TMCO5A: variants seen among roughly 807,000 people sequenced by gnomAD.
The protein encoded by TMCO5A is transmembrane and coiled-coil domains 5A, also known as transmembrane and coiled-coil domain-containing protein 5A.
TMCO5A carries 34 observed loss-of-function variants against 42.3 expected under a neutral mutation model. The observed-to-expected ratio is 0.80, with a 90% confidence interval of 0.61 to 1.07. The LOEUF is 1.07. Among genes scored for constraint, TMCO5A ranks in the 50% least tolerant of loss-of-function variants. The probability of loss-of-function intolerance (pLI) is 0.00; values close to 1 mark genes in which losing one functional copy is unlikely to be tolerated. For synonymous variants in TMCO5A, 131 were observed against 115.6 expected (o/e 1.13, Z -0.86); for missense variants, 357 against 327.9 (o/e 1.09, Z -0.69).
At chr15:38,013,617 C>T in the TMCO5A span, among the ~76,000 whole-genome samples, 16 of 152,278 alleles carry the variant, frequency 1.1e-4, no homozygotes, top group African/African-American at 3.8e-4. Flanking sequence ...CTTAGTATTG[C>T]TTCACTTTTC....
At chr15:37,990,808 T>G in the TMCO5A span, among the ~76,000 whole-genome samples, 1 of 152,062 alleles carries the variant, frequency 6.6e-6, no homozygotes, top group African/African-American at 2.4e-5. Flanking sequence ...ATTTTTATGA[T>G]TACTATGGGG....
At chr15:37,975,636 T>C in the TMCO5A span, among the ~76,000 whole-genome samples, 4 of 151,234 alleles carry the variant, frequency 2.6e-5, no homozygotes, top group South Asian at 4.1e-4. Context: ...TGTCATTACA[T>C]GTCAGGTGAT....
chr15:38,037,665 C>A, the TMCO5A span, among the ~76,000 whole-genome samples: 1 of 152,266 alleles, frequency 6.6e-6, no homozygotes, highest in East Asian at 1.9e-4. Context: ...GCCACATCAC[C>A]ACACAATGTC....
chr15:38,001,311 A>G, the TMCO5A span, among the ~76,000 whole-genome samples: 1 of 152,080 alleles, frequency 6.6e-6, no homozygotes, highest in Non-Finnish European at 1.5e-5. Context: ...TATGATATAA[A>G]TATGGCTACT....
chr15:38,005,918 G>C, the TMCO5A span, among the ~76,000 whole-genome samples: 9 of 152,148 alleles, frequency 5.9e-5, no homozygotes, highest in African/African-American at 2.2e-4. Context: ...CAATAACGGA[G>C]GTTTGGCTTA....
At chr15:37,973,573 C>T in the TMCO5A span, among the ~76,000 whole-genome samples, 1 of 152,034 alleles carries the variant, frequency 6.6e-6, no homozygotes, top group South Asian at 2.1e-4. Flanking sequence ...TGGCTCTCGG[C>T]TTGGCTATTG....
At chr15:38,007,911 T>TTTTC in the TMCO5A span, among the ~76,000 whole-genome samples, 1 of 110,742 alleles carries the variant, frequency 9.0e-6, no homozygotes, top group Non-Finnish European at 1.8e-5. Flanking sequence ...TTTTTTTTTT[T>TTTTC]GTGAGACAGA....
At chr15:38,010,037 A>T in the TMCO5A span, among the ~76,000 whole-genome samples, 2 of 152,108 alleles carry the variant, frequency 1.3e-5, no homozygotes, top group African/African-American at 4.8e-5. Flanking sequence ...GATCTGGATT[A>T]TTAATAGAGT....
chr15:37,996,153 C>G, the TMCO5A span, among the ~76,000 whole-genome samples: 1 of 152,162 alleles, frequency 6.6e-6, no homozygotes, highest in Non-Finnish European at 1.5e-5. Flanking sequence ...TTTAGCAACC[C>G]TGGGGCGTAA....
chr15:37,982,760 TA>T, the TMCO5A span, among the ~76,000 whole-genome samples: 1 of 145,294 alleles, frequency 6.9e-6, no homozygotes, highest in African/African-American at 2.5e-5. Context: ...ATATAATATA[TA>T]AATATATTGA....
At chr15:37,990,542 T>A in the TMCO5A span, among the ~76,000 whole-genome samples, 1 of 152,106 alleles carries the variant, frequency 6.6e-6, no homozygotes, top group East Asian at 1.9e-4. Flanking sequence ...TATAGTTGGA[T>A]CATGTGTGTG....
At chr15:37,999,629 G>T in the TMCO5A span, among the ~76,000 whole-genome samples, 2 of 152,014 alleles carry the variant, frequency 1.3e-5, no homozygotes, top group East Asian at 1.9e-4. Flanking sequence ...AAAGATTTTG[G>T]TTTTTCCTCA....
At chr15:37,947,551 T>TA (rs902653365) in intron 10 of TMCO5A, 105 bp from the exon 11 acceptor site, 53 of 768,098 alleles carry the variant, frequency 6.9e-5, no homozygotes, top group Middle Eastern at 7.2e-4. Context: ...AAGAATTTGT[T>TA]AAAGTTATCT....
Position 37,951,033 on chromosome 15 carries a change from T to A in TMCO5A, c.669-3T>A. On this transcript the variant is annotated splice_region_variant and splice_polypyrimidine_tract_variant and intron_variant, in intron 11 of 11. Coordinates refer to ENST00000319669, the MANE Select transcript of TMCO5A (RefSeq NM_152453.4). ...TAACAGTTTCATGGCATTCTCTTTT[T>A]AGGATTTTTTGCTGTCTCTTTTTCA... The A allele has an allele frequency of 6.2e-7, 1 of 1,610,842 alleles. No homozygotes were observed. Among genetic ancestry groups the A allele is most frequent in the Non-Finnish European group, 8.5e-7 (1 of 1,179,432 alleles).
At chr15:37,952,400 A>C (rs992163141), downstream of TMCO5A, among the ~76,000 whole-genome samples, 2 of 152,044 alleles carry the variant, frequency 1.3e-5, no homozygotes, top group African/African-American at 4.8e-5. Flanking sequence ...AAGATAGGGC[A>C]CCAGTCAGAG....
chr15:37,972,593 GTGTC>G (rs1418042360), downstream of TMCO5A, among the ~76,000 whole-genome samples: 1 of 152,072 alleles, frequency 6.6e-6, no homozygotes, highest in Non-Finnish European at 1.5e-5. Context: ...CTTTTGAAAA[GTGTC>G]TGTTCATGTT....
the TMCO5A span, among the ~76,000 whole-genome samples, chr15:38,009,300 C>T: frequency 6.6e-6 from 1 of 152,176 alleles, no homozygotes; most frequent in Non-Finnish European, 1.5e-5. Flanking sequence ...TCTAAGTGCT[C>T]AAAGCAATCA....
the TMCO5A span, among the ~76,000 whole-genome samples, chr15:37,976,654 T>G: frequency 1.3e-5 from 2 of 152,126 alleles, no homozygotes; most frequent in Non-Finnish European, 2.9e-5. Flanking sequence ...AGAGAAGTAG[T>G]TTTTGAACTC....
At chr15:38,029,262 A>G in the TMCO5A span, among the ~76,000 whole-genome samples, 4 of 151,992 alleles carry the variant, frequency 2.6e-5, no homozygotes, top group African/African-American at 9.7e-5. Flanking sequence ...TAGGGCTGCT[A>G]TTAAGTATAC....
Sources: allele counts gnomAD v4.1 joint callset (sites outside exome capture counted in the v4.1 genomes callset), GRCh38; gene constraint gnomAD v4.1.1; transcripts MANE v1.5; gene names NCBI Gene and HGNC (gene_info 2026-07-23, HGNC 2026-07-21).